Variants in RGS6 observed in about 807,000 individuals in gnomAD.
RGS6 encodes the protein regulator of G protein signaling 6.
Under a neutral mutation model 78.5 loss-of-function variants are expected in RGS6, and 30 were observed. The observed-to-expected ratio is 0.38, with a 90% CI of 0.29 to 0.52. The LOEUF is 0.52. Ranked by LOEUF, RGS6 falls within the 20% of genes least tolerant of loss-of-function variation. The probability of loss-of-function intolerance (pLI) is 0.85; values close to 1 mark genes in which losing one functional copy is unlikely to be tolerated. For missense variants in RGS6, 495 were observed against 609.7 expected (o/e 0.81, Z 1.98); for synonymous variants, 206 against 206.0 (o/e 1.00, Z 0.00).
intron 2 of RGS6, among the ~76,000 whole-genome samples, chr14:72,064,558 AAGG>A (rs995355220): frequency 6.6e-6 from 1 of 152,232 alleles, no homozygotes; most frequent in Non-Finnish European, 1.5e-5. Context: ...TCACCCACAA[AAGG>A]AGACGTGTGA....
the RGS6 span, among the ~76,000 whole-genome samples, chr14:71,891,404 G>A: frequency 6.6e-5 from 10 of 152,314 alleles, no homozygotes; most frequent in Non-Finnish European, 1.3e-4. Context: ...TTGGCGAGGA[G>A]CTCAGCTGGG....
chr14:72,018,790 A>T (rs921120156), intron 2 of RGS6, among the ~76,000 whole-genome samples: 1 of 152,040 alleles, frequency 6.6e-6, no homozygotes, highest in Non-Finnish European at 1.5e-5. Context: ...CTCCCTCACC[A>T]TGATCCTGTC....
chr14:72,570,159 T>G (rs1215796642), downstream of RGS6, among the ~76,000 whole-genome samples: 1 of 152,122 alleles, frequency 6.6e-6, no homozygotes, highest in Non-Finnish European at 1.5e-5. Flanking sequence ...AAATACAAAT[T>G]AAAAAACAAT....
At chr14:72,292,299 G>T (rs531867527) in intron 2 of RGS6, among the ~76,000 whole-genome samples, 1 of 152,342 alleles carries the variant, frequency 6.6e-6, no homozygotes, top group Non-Finnish European at 1.5e-5. Flanking sequence ...GCTGGAACCT[G>T]TATCTGGTGT....
At chr14:72,474,954 C>G (rs1022771984) in intron 10 of RGS6, among the ~76,000 whole-genome samples, 1 of 141,980 alleles carries the variant, frequency 7.0e-6, no homozygotes, top group African/African-American at 2.6e-5. Flanking sequence ...GCCATGAATG[C>G]TGTGTTAGGA....
chr14:72,196,180 T>C (rs143255773), intron 2 of RGS6, among the ~76,000 whole-genome samples: 13 of 152,148 alleles, frequency 8.5e-5, no homozygotes, highest in African/African-American at 2.9e-4. Context: ...TGGTACGTGA[T>C]TGTGGGAGGG....
intron 13 of RGS6, among the ~76,000 whole-genome samples, chr14:72,503,409 A>G (rs540064406): frequency 1.2e-4 from 19 of 152,312 alleles, no homozygotes; most frequent in Admixed American, 5.9e-4. Context: ...CTGAAGTCCA[A>G]AGTCTTATCT....
intron 2 of RGS6, among the ~76,000 whole-genome samples, chr14:72,298,820 T>A (rs975539697): frequency 2.0e-5 from 3 of 152,212 alleles, no homozygotes; most frequent in African/African-American, 7.2e-5. Context: ...AAATGTTCTC[T>A]CCTCTGTTTC....
the RGS6 span, among the ~76,000 whole-genome samples, chr14:71,903,628 G>A: frequency 6.6e-6 from 1 of 152,192 alleles, no homozygotes; most frequent in Non-Finnish European, 1.5e-5. Context: ...AAGAGACAGA[G>A]TAGAGGGTGG....
intron 1 of RGS6, among the ~76,000 whole-genome samples, chr14:71,940,428 A>G (rs1194544322): frequency 6.6e-6 from 1 of 152,082 alleles, no homozygotes; most frequent in Non-Finnish European, 1.5e-5. Flanking sequence ...TTATAATTCA[A>G]ATTAGTCTTT....
At chr14:72,490,062 T>A (rs1238793326) in intron 12 of RGS6, among the ~76,000 whole-genome samples, 2 of 152,174 alleles carry the variant, frequency 1.3e-5, no homozygotes, top group Non-Finnish European at 2.9e-5. Flanking sequence ...GCCTGAGATG[T>A]CGTAAAGCTC....
intron 2 of RGS6, among the ~76,000 whole-genome samples, chr14:72,104,897 G>T (rs1424491306): frequency 3.3e-5 from 5 of 152,164 alleles, no homozygotes; most frequent in Non-Finnish European, 7.3e-5. Flanking sequence ...GCTGATCTGG[G>T]AATGACACTT....
At chr14:72,008,128 G>C (rs2084937400) in intron 2 of RGS6, among the ~76,000 whole-genome samples, 1 of 152,148 alleles carries the variant, frequency 6.6e-6, no homozygotes, top group African/African-American at 2.4e-5. Context: ...TTGCTTGCCT[G>C]GATTTCAGAA....
the RGS6 span, among the ~76,000 whole-genome samples, chr14:72,600,353 A>C: frequency 4.5e-5 from 5 of 111,298 alleles, no homozygotes; most frequent in Admixed American, 2.1e-4. Context: ...CTCTGTCCCC[A>C]GCGCTAGGCC....
rs1463847955 is a variant in RGS6, at chr14:72,241,167, A to AC, written c.85-110928_85-110927insC. On this transcript the variant is annotated intron_variant, in intron 2 of 17. Coordinates refer to ENST00000553525, the MANE Select transcript of RGS6 (RefSeq NM_001204424.2). The stretch of plus-strand genomic sequence containing the variant: ...CGAGACTCTGTCTCAAAAAAAAAAA[A>AC]AAAACAAAACTTATGCCTTTTATGA... 8.6e-5 allele frequency among the ~76,000 whole-genome samples: 13 copies of AC among 151,868 alleles called. No individual in the cohort carries two copies. In the East Asian group the frequency reaches 1.2e-3, roughly 14 times the overall value.
chr14:72,128,166 ATATT>A (rs763591983), intron 2 of RGS6, among the ~76,000 whole-genome samples: 52 of 152,338 alleles, frequency 3.4e-4, no homozygotes, highest in African/African-American at 1.1e-3. Flanking sequence ...TTATTACAGA[ATATT>A]TATAAGGAGA....
At chr14:72,042,192 G>A (rs2092474171) in intron 2 of RGS6, among the ~76,000 whole-genome samples, 1 of 147,930 alleles carries the variant, frequency 6.8e-6, no homozygotes, top group Admixed American at 6.9e-5. Flanking sequence ...CAGTGGTGCA[G>A]TCTCAGTTTA....
intron 3 of RGS6, among the ~76,000 whole-genome samples, chr14:72,361,143 G>A (rs1254769819): frequency 6.8e-6 from 1 of 148,008 alleles, no homozygotes; most frequent in African/African-American, 2.5e-5. Flanking sequence ...ATAGCAGTGT[G>A]AGAATGTACT....
At chr14:72,427,009 A>G (rs998300207) in intron 3 of RGS6, among the ~76,000 whole-genome samples, 4 of 152,220 alleles carry the variant, frequency 2.6e-5, no homozygotes, top group Non-Finnish European at 5.9e-5. Flanking sequence ...CTCTGTGGAA[A>G]GGACCACATG....
Sources: gnomAD v4.1 joint callset for allele counts (sites outside exome capture counted in the v4.1 genomes callset) on GRCh38, gnomAD v4.1.1 for gene constraint, MANE v1.5 for transcripts, NCBI Gene and HGNC (gene_info 2026-07-23, HGNC 2026-07-21) for gene names.